The following ZNF385D variants were observed in gnomAD, a reference collection of about 807,000 sequenced individuals.
ZNF385D encodes zinc finger protein 659.
A neutral mutation model predicts 35.8 loss-of-function variants in ZNF385D; 15 were observed. The ratio of observed to expected loss-of-function variants is 0.42; its 90% CI spans 0.28 to 0.64. The LOEUF (loss-of-function observed/expected upper bound fraction) is 0.64, where lower values mean the gene tolerates loss of function less well. Ranked by LOEUF, ZNF385D falls within the 30% of genes least tolerant of loss-of-function variation. The pLI, the probability that ZNF385D is intolerant of heterozygous loss-of-function variation, is 0.23. For synonymous variants in ZNF385D, 212 were observed against 186.8 expected, an observed-to-expected ratio of 1.13 and a Z score of -1.10; for missense variants, 474 against 494.6, an observed-to-expected ratio of 0.96 and a Z score of 0.39.
chr3:21,433,420 T>C (rs950835657), intron 5 of ZNF385D, among the ~76,000 whole-genome samples: 1 of 152,148 alleles, frequency 6.6e-6, no homozygotes, highest in African/African-American at 2.4e-5. Context: ...AAGGGAAACA[T>C]TTCCCCACCC....
chr3:21,488,641 C>T (rs891515752), intron 4 of ZNF385D, among the ~76,000 whole-genome samples: 3 of 152,038 alleles, frequency 2.0e-5, no homozygotes, highest in Admixed American at 2.0e-4. Flanking sequence ...TGTATCCTCC[C>T]AATCATCCTG....
intron 3 of ZNF385D, among the ~76,000 whole-genome samples, chr3:21,769,139 C>T (rs1204316602): frequency 6.6e-6 from 1 of 152,030 alleles, no homozygotes; most frequent in African/African-American, 2.4e-5. Context: ...ACTGAATGGG[C>T]AAAAACTGGA....
At chr3:22,280,492 G>C (rs1267410955) in intron 2 of ZNF385D, among the ~76,000 whole-genome samples, 2 of 151,840 alleles carry the variant, frequency 1.3e-5, no homozygotes, top group Non-Finnish European at 2.9e-5. Flanking sequence ...CATGTGGCTT[G>C]CCGATTATCC....
At chr3:21,794,911 T>C (rs1028949532) in intron 3 of ZNF385D, among the ~76,000 whole-genome samples, 2 of 152,198 alleles carry the variant, frequency 1.3e-5, no homozygotes, top group Non-Finnish European at 2.9e-5. Flanking sequence ...AATGCTATTA[T>C]GACAATTAAG....
rs1553628854 is a variant in ZNF385D at position 21,424,311 on chromosome 3, A to ACT, written c.853-248_853-247insAG. Among the ~76,000 whole-genome samples, 21 of 49,110 alleles carry ACT rather than the reference A, an allele frequency of 4.3e-4. 1 individual carries two copies. The highest frequency in any genetic ancestry group is 3.5e-3 in the East Asian group (2 of 568). The allele number at this position is 49,110 out of a possible 152,430, so 32.2% of individuals were successfully genotyped here. The stretch of plus-strand genomic sequence containing the variant: ...CTTATATATATATATTTATATATAT[A>ACT]TATATATTTTTTTTTTTTTTTGAGA... On this transcript the variant is annotated intron_variant, in intron 6 of 7. Transcript: ENST00000281523.
chr3:22,069,808 A>C (rs975770892), intron 3 of ZNF385D, among the ~76,000 whole-genome samples: 16 of 152,060 alleles, frequency 1.1e-4, no homozygotes, highest in Non-Finnish European at 2.1e-4. Context: ...TGTCCCATGA[A>C]ATAGTCAGAC....
intron 3 of ZNF385D, among the ~76,000 whole-genome samples, chr3:21,876,775 T>C (rs1697996081): frequency 6.6e-6 from 1 of 152,050 alleles, no homozygotes; most frequent in Non-Finnish European, 1.5e-5. Context: ...AAGAATTCCA[T>C]CTAATGTGAA....
intron 2 of ZNF385D, among the ~76,000 whole-genome samples, chr3:22,328,861 G>A (rs1009759028): frequency 3.3e-5 from 5 of 150,480 alleles, no homozygotes; most frequent in Non-Finnish European, 7.4e-5. Flanking sequence ...GGATCACGAG[G>A]TCAGGAGATC....
chr3:22,118,390 G>C (rs1194340637), intron 3 of ZNF385D, among the ~76,000 whole-genome samples: 1 of 152,036 alleles, frequency 6.6e-6, no homozygotes, highest in Non-Finnish European at 1.5e-5. Context: ...AATATAAGTA[G>C]AAATCCAAGC....
At chr3:21,925,775 T>C (rs1700697236) in intron 3 of ZNF385D, among the ~76,000 whole-genome samples, 1 of 151,704 alleles carries the variant, frequency 6.6e-6, no homozygotes, top group Non-Finnish European at 1.5e-5. Context: ...CTTTCAAAAC[T>C]TGACAGTAAA....
At chr3:21,737,317 T>TG (rs1180801613) in intron 1 of ZNF385D, among the ~76,000 whole-genome samples, 2 of 152,158 alleles carry the variant, frequency 1.3e-5, no homozygotes, top group Non-Finnish European at 2.9e-5. Flanking sequence ...AAATAACTTA[T>TG]TTTTTGAAGG....
At chr3:21,466,024 A>T (rs1340343150) in intron 4 of ZNF385D, among the ~76,000 whole-genome samples, 3 of 152,066 alleles carry the variant, frequency 2.0e-5, no homozygotes. Context: ...GTGGTCTACG[A>T]CCCTACCACC....
intron 3 of ZNF385D, among the ~76,000 whole-genome samples, chr3:21,937,244 A>G: frequency 6.6e-6 from 1 of 152,176 alleles, no homozygotes; most frequent in Non-Finnish European, 1.5e-5. Flanking sequence ...AAAAAAATAA[A>G]AGTACAATAA....
chr3:21,976,430 G>C (rs936995265), intron 3 of ZNF385D, among the ~76,000 whole-genome samples: 2 of 152,086 alleles, frequency 1.3e-5, no homozygotes, highest in African/African-American at 4.8e-5. Flanking sequence ...ATTTTGAATT[G>C]AAAAAATACA....
At chr3:21,744,389 A>C (rs2069663809) in intron 1 of ZNF385D, among the ~76,000 whole-genome samples, 1 of 152,214 alleles carries the variant, frequency 6.6e-6, no homozygotes, top group African/African-American at 2.4e-5. Flanking sequence ...TGAATATGAA[A>C]AAAGGTAAGT....
In ZNF385D at chr3:22,012,036, T is replaced by C. The variant is rs994895859; in HGVS notation, c.325+156781A>G. ...TAATCAGTACATGTGCATGATATTA[T>C]CAGATAGGGAATTATATCAACTTTG... On this transcript the variant is annotated intron_variant, in intron 3 of 5. Coordinates refer to the ZNF385D transcript ENST00000494108. Among the ~76,000 whole-genome samples, 19 of 152,290 alleles carry C rather than the reference T, an allele frequency of 1.2e-4. No homozygotes were observed. The East Asian group carries it at 3.3e-3, about 26-fold the overall frequency.
Position 21,902,326 on chromosome 3 carries a change from T to C in ZNF385D, c.326-237298A>G, listed in dbSNP as rs749238886. 2.0e-5 allele frequency among the ~76,000 whole-genome samples: 3 copies of C among 152,144 alleles called. No individual in the cohort carries two copies. In the South Asian group the frequency reaches 6.2e-4, roughly 31 times the overall value. On this transcript the variant is annotated intron_variant, in intron 3 of 5. Coordinates refer to the ZNF385D transcript ENST00000494108. ...GAGACAAGTATGACTTGTGTTGTTC[T>C]ATGTTAGGGTGGGAAATGTCATAGG...
chr3:22,115,084 G>A (rs538771349), intron 3 of ZNF385D, among the ~76,000 whole-genome samples: 3 of 152,178 alleles, frequency 2.0e-5, no homozygotes, highest in South Asian at 4.1e-4. Flanking sequence ...AAGACAGGGT[G>A]TCAACTCACT....
intron 3 of ZNF385D, among the ~76,000 whole-genome samples, chr3:21,951,768 A>G (rs1360129331): frequency 1.3e-5 from 2 of 151,382 alleles, no homozygotes; most frequent in Non-Finnish European, 2.9e-5. Flanking sequence ...TTTGTTCTAT[A>G]TATACAATGC....
Sources: allele counts gnomAD v4.1 joint callset (sites outside exome capture counted in the v4.1 genomes callset), GRCh38; gene constraint gnomAD v4.1.1; transcripts MANE v1.5; gene names NCBI Gene and HGNC (gene_info 2026-07-23, HGNC 2026-07-21).